KRT8: variants seen among roughly 807,000 people sequenced by gnomAD.
KRT8 encodes keratin 8.
KRT8 carries 24 observed loss-of-function variants against 43.0 expected under a neutral mutation model. That is an observed-to-expected ratio of 0.56 (90% CI 0.40 to 0.78). KRT8 has a LOEUF of 0.78. Ranked by LOEUF, KRT8 falls within the 30% of genes least tolerant of loss-of-function variation. The pLI is 0.00. For synonymous variants in KRT8, 214 were observed against 261.2 expected (o/e 0.82, Z 1.74); for missense variants, 492 against 638.4 (o/e 0.77, Z 2.47).
intron 2 of KRT8, among the ~76,000 whole-genome samples, chr12:52,942,208 C>A (rs578124713): frequency 6.6e-6 from 1 of 152,150 alleles, no homozygotes; most frequent in African/African-American, 2.4e-5. Context: ...TTAACAAGCA[C>A]CTGCTCCGCC....
chr12:52,922,699 A>G (rs1349170995), intron 2 of KRT8, among the ~76,000 whole-genome samples: 1 of 152,180 alleles, frequency 6.6e-6, no homozygotes, highest in African/African-American at 2.4e-5. Context: ...CAAACCTATA[A>G]GGAAAGTACA....
intron 2 of KRT8, among the ~76,000 whole-genome samples, chr12:52,912,701 G>T (rs1349503111): frequency 1.3e-5 from 2 of 152,230 alleles, no homozygotes; most frequent in Non-Finnish European, 2.9e-5. Context: ...CTGACACAGA[G>T]AGGCAGCCAC....
intron 2 of KRT8, among the ~76,000 whole-genome samples, chr12:52,917,942 A>AGAAGAGGAAGAGGAAGAAGAAGAAGAG (rs1941776685): frequency 6.7e-6 from 1 of 148,708 alleles, no homozygotes; most frequent in Non-Finnish European, 1.5e-5. Flanking sequence ...GAGAAGAGGA[A>AGAAGAGGAAGAGGAAGAAGAAGAAGAG]GAAGAGGAAG....
In KRT8 at chr12:52,949,353, C is replaced by T. The variant is rs186267053; in HGVS notation, c.-47+103G>A. 7.6e-5 allele frequency: 122 copies of T among 1,610,746 alleles called. 1 individual carries two copies. In the Middle Eastern group the frequency reaches 8.4e-4, roughly 11 times the overall value. On this transcript the variant is annotated intron_variant, in intron 2 of 6. Transcript: ENST00000546826. Reference sequence around the variant, plus strand: ...CCAGCTTCAGGGGCGGCATGGGGTCCGGGGGCCTGGCCACCGGGATAGCCG... The same window carrying T: ...CCAGCTTCAGGGGCGGCATGGGGTCTGGGGGCCTGGCCACCGGGATAGCCG...
chr12:52,949,018 G>A (rs1446072799), intron 2 of KRT8: 3 of 661,904 alleles, frequency 4.5e-6, no homozygotes, highest in East Asian at 5.9e-5. Flanking sequence ...GAGGGCGCGG[G>A]CTCCGAGCCG....
intron 2 of KRT8, among the ~76,000 whole-genome samples, chr12:52,936,132 A>T (rs1345613476): frequency 6.6e-6 from 1 of 152,034 alleles, no homozygotes; most frequent in Non-Finnish European, 1.5e-5. Context: ...CACACCTGTA[A>T]TCCCAGCTAC....
chr12:52,934,830 A>C (rs2682335), intron 2 of KRT8, among the ~76,000 whole-genome samples: 5 of 151,790 alleles, frequency 3.3e-5, no homozygotes, highest in African/African-American at 1.2e-4. Flanking sequence ...TTAGCTGGGC[A>C]TGGTGGCGTA....
chr12:52,907,562 T>C (rs1410180893), upstream of KRT8, among the ~76,000 whole-genome samples: 1 of 152,132 alleles, frequency 6.6e-6, no homozygotes, highest in Non-Finnish European at 1.5e-5. Flanking sequence ...GTGTCCCTTG[T>C]TTAAGGTGAG....
chr12:52,901,360 T>C (rs1941366062), intron 2 of KRT8, 141 bp from the exon 3 acceptor site: 7 of 719,192 alleles, frequency 9.7e-6, no homozygotes, highest in Middle Eastern at 3.7e-4. Context: ...TCCTTCTGCC[T>C]TCCCCAGCTG....
chr12:52,916,795 C>G (rs1365696029), intron 2 of KRT8, among the ~76,000 whole-genome samples: 1 of 152,226 alleles, frequency 6.6e-6, no homozygotes, highest in East Asian at 1.9e-4. Context: ...CGCATGCTGA[C>G]CATGCTGGAG....
intron 1 of KRT8, among the ~76,000 whole-genome samples, chr12:52,902,674 C>A (rs1288510612): frequency 6.6e-6 from 1 of 152,012 alleles, no homozygotes; most frequent in Non-Finnish European, 1.5e-5. Flanking sequence ...AGGCGTAAGC[C>A]ACCGCGCCCG....
exon 4 of KRT8, chr12:52,900,654 T>C (rs1340869039): frequency 1.2e-6 from 2 of 1,613,230 alleles, no homozygotes; most frequent in Non-Finnish European, 1.7e-6. Flanking sequence ...ACTCCAGCTC[T>C]ACCTTGTTCA....
At position 52,903,276 on chromosome 12, in the gene KRT8, T is replaced by C. The variant is rs1380704846; in HGVS notation, c.325-1204A>G. 2.6e-5 allele frequency among the ~76,000 whole-genome samples: 4 copies of C among 152,162 alleles called. No homozygotes were observed. In the East Asian group the frequency reaches 7.7e-4, roughly 29 times the overall value. ...GATTTAGGGGCTCTCATATTCATTT[T>C]ATAGATGAGGAAATAAGACTTGGCA... On this transcript the variant is annotated intron_variant, in intron 1 of 7. Transcript: ENST00000692008.
At chr12:52,946,133 G>A (rs1942340443) in intron 2 of KRT8, among the ~76,000 whole-genome samples, 3 of 152,258 alleles carry the variant, frequency 2.0e-5, no homozygotes, top group East Asian at 1.9e-4. Context: ...CAGCCCCCAC[G>A]CTGCACCTCC....
At chr12:52,897,569 G>A in exon 8 of KRT8, 1 of 1,598,050 alleles carries the variant, frequency 6.3e-7, no homozygotes, top group East Asian at 2.2e-5. Flanking sequence ...AGCCCAGGCT[G>A]TAGCTGAGGC....
intron 2 of KRT8, among the ~76,000 whole-genome samples, chr12:52,933,379 T>G (rs904753939): frequency 3.9e-5 from 6 of 152,210 alleles, no homozygotes; most frequent in South Asian, 4.1e-4. Context: ...AAGATTTGTA[T>G]GCTGAAAAGT....
intron 2 of KRT8, among the ~76,000 whole-genome samples, chr12:52,939,190 A>T (rs1204042586): frequency 1.3e-5 from 2 of 152,180 alleles, no homozygotes; most frequent in Non-Finnish European, 2.9e-5. Flanking sequence ...AAAATGGTAC[A>T]GCTACTTTGG....
chr12:52,945,893 A>G (rs1474885741), intron 2 of KRT8, among the ~76,000 whole-genome samples: 2 of 151,100 alleles, frequency 1.3e-5, no homozygotes, highest in African/African-American at 2.4e-5. Flanking sequence ...CCCCCACCCC[A>G]GAACCCTAGT....
intron 2 of KRT8, among the ~76,000 whole-genome samples, chr12:52,929,183 CCTTT>C (rs1375008037): frequency 8.8e-6 from 1 of 113,316 alleles, no homozygotes; most frequent in Non-Finnish European, 1.7e-5. Context: ...TTCCTTCCTT[CCTTT>C]CTTTTTTTTT....
Sources: gnomAD v4.1 joint callset for allele counts (sites outside exome capture counted in the v4.1 genomes callset) on GRCh38, gnomAD v4.1.1 for gene constraint, MANE v1.5 for transcripts, NCBI Gene and HGNC (gene_info 2026-07-23, HGNC 2026-07-21) for gene names.